REXO1: variants seen among roughly 807,000 people sequenced by gnomAD.
REXO1 encodes the protein RNA exonuclease 1 homolog.
REXO1 carries 42 observed loss-of-function variants against 102.6 expected under a neutral mutation model. The observed-to-expected ratio is 0.41, with a 90% CI of 0.32 to 0.53. The LOEUF is 0.53. REXO1 is among the 20% of genes least tolerant of loss of function. The pLI is 0.27. For missense variants in REXO1, 1,819 were observed against 1,732.5 expected, an observed-to-expected ratio of 1.05 and a Z score of -0.89; for synonymous variants, 908 against 779.1, an observed-to-expected ratio of 1.17 and a Z score of -2.76.
intron 4 of REXO1, 94 bp downstream of exon 4, chr19:1,823,478 T>C (rs924093326): frequency 2.3e-6 from 2 of 883,950 alleles, no homozygotes; most frequent in Non-Finnish European, 1.5e-6. Context: ...GCAAGCACCA[T>C]GTGGTTCAGG....
rs1420128587 is a variant in REXO1 at position 1,816,288 on chromosome 19, G to A, written c.3514C>T (p.Pro1172Ser). Residue 1172 changes from proline to serine, a missense_variant, in exon 15 of 16, where the codon CCC becomes TCC. Coordinates refer to ENST00000170168, the MANE Select transcript of REXO1 (RefSeq NM_020695.4). ...SVLFPHRLGL[P>S]YKRSLRNLMA... ...AGGTTCCGCAGGGACCGCTTGTAGG[G>A]GAGGCCCAGGCGGTGGGGGAAGAGC... is the stretch of plus-strand genomic sequence containing the variant. 1 of 1,588,686 alleles carries A rather than the reference G, an allele frequency of 6.3e-7. No individual in the cohort carries two copies. Among genetic ancestry groups the A allele is most frequent in the Non-Finnish European group, 8.6e-7 (1 of 1,168,048 alleles).
At chr19:1,847,248 G>A (rs1428462412) in intron 1 of REXO1, among the ~76,000 whole-genome samples, 1 of 152,190 alleles carries the variant, frequency 6.6e-6, no homozygotes, top group Non-Finnish European at 1.5e-5. Context: ...ACCTTTTCTG[G>A]CAAAACAGGA....
Position 1,825,844 on chromosome 19 carries a change from G to T in REXO1, c.2011C>A (p.Gln671Lys). 6.2e-7 allele frequency: 1 copy of T among 1,607,248 alleles called. No individual in the cohort carries two copies. ...RRISHLSKQG[Q>K]EVEPPRRGPA... ...CTGGCCTCTGCGGACCTTACCTCCT[G>T]GCCTTGCTTGGAAAGGTGGGAGATC... The change falls in exon 3 of 16, where the codon CAG becomes AAG. Residue 671 changes from glutamine (Q) to lysine (K), a missense_variant. By Grantham distance (53) the Gln-to-Lys change is moderately conservative. Coordinates refer to ENST00000170168, the MANE Select transcript of REXO1 (RefSeq NM_020695.4).
At chr19:1,842,752 G>A (rs536857278) in intron 1 of REXO1, among the ~76,000 whole-genome samples, 4 of 152,324 alleles carry the variant, frequency 2.6e-5, no homozygotes, top group Admixed American at 6.5e-5. Flanking sequence ...CCCGGCAAGC[G>A]GCCTGGTGCC....
intron 1 of REXO1, among the ~76,000 whole-genome samples, chr19:1,834,217 A>G (rs1367014747): frequency 6.6e-6 from 1 of 152,116 alleles, no homozygotes; most frequent in Non-Finnish European, 1.5e-5. Flanking sequence ...AGCCCTTCCC[A>G]AAGGAAGGAA....
At chr19:1,841,810 G>A (rs771278951) in intron 1 of REXO1, among the ~76,000 whole-genome samples, 5 of 152,124 alleles carry the variant, frequency 3.3e-5, no homozygotes, top group Non-Finnish European at 7.4e-5. Context: ...CAGCCCCAGC[G>A]AGCTGCTCTG....
chr19:1,828,146 G>T lies in REXO1; in HGVS notation c.643C>A (p.Pro215Thr). The T allele has an allele frequency of 6.2e-7, 1 of 1,610,616 alleles. No individual in the cohort carries two copies. The highest frequency in any genetic ancestry group is 1.1e-5 in the South Asian group (1 of 90,724). The change falls in exon 2 of 16, where the codon CCC (proline) becomes ACC (threonine). Residue 215 changes from proline to threonine, a missense_variant. Transcript: ENST00000170168. ...AVSQPRRHSR[P>T]VPSGKYVVDN... Reference sequence around the variant, plus strand: ...ACCACGTACTTGCCACTGGGAACGGGGCGGCTGTGCCGCCGGGGCTGGCTC... The same window carrying T: ...ACCACGTACTTGCCACTGGGAACGGTGCGGCTGTGCCGCCGGGGCTGGCTC...
intron 11 of REXO1, 98 bp from the exon 12 acceptor site, chr19:1,817,427 C>T: frequency 6.5e-7 from 1 of 1,538,754 alleles, no homozygotes; most frequent in Non-Finnish European, 8.7e-7. Context: ...ACCATCCTAT[C>T]CATCCATCAC....
Position 1,827,504 on chromosome 19 carries a change from G to C in REXO1, c.1285C>G (p.Arg429Gly). 1.3e-6 allele frequency: 2 copies of C among 1,581,318 alleles called. No individual in the cohort carries two copies. The highest frequency in any genetic ancestry group is 1.7e-6 in the Non-Finnish European group (2 of 1,173,264). Residue 429 changes from arginine (R) to glycine (G), a missense_variant, in exon 2 of 16, where the codon CGG becomes GGG. Physicochemically the swap from Arg to Gly is moderately radical, Grantham distance 125. Coordinates refer to ENST00000170168, the MANE Select transcript of REXO1 (RefSeq NM_020695.4). Reference sequence around the variant, plus strand: ...GGCTTCTTCTTGGTCCCTTCCGGCCGCTCTGCCTTGCGCCGGGGGCTGCTG... The same window carrying C: ...GGCTTCTTCTTGGTCCCTTCCGGCCCCTCTGCCTTGCGCCGGGGGCTGCTG... ...QASSPRRKAE[R>G]PEGTKKKPSS...
intron 1 of REXO1, among the ~76,000 whole-genome samples, chr19:1,839,058 C>G (rs897818814): frequency 2.6e-5 from 4 of 152,050 alleles, no homozygotes; most frequent in African/African-American, 7.2e-5. Context: ...GAGTTTGAGA[C>G]CAGCCTGGGC....
chr19:1,846,443 A>C (rs1415680498), intron 1 of REXO1, among the ~76,000 whole-genome samples: 2 of 152,214 alleles, frequency 1.3e-5, no homozygotes, highest in Non-Finnish European at 2.9e-5. Flanking sequence ...CACCAGCAAA[A>C]GGGAAATGCA....
intron 3 of REXO1, 161 bp from the exon 4 acceptor site, chr19:1,823,946 G>T: frequency 2.5e-6 from 1 of 397,180 alleles, no homozygotes; most frequent in Non-Finnish European, 4.4e-6. Context: ...GAAGCAGCAG[G>T]GGGCAGTGGT....
rs755690813 is a variant in REXO1, at chr19:1,820,300, G to C, written c.2490C>G (p.Leu830=). 2 of 1,613,876 alleles carry C rather than the reference G, an allele frequency of 1.2e-6. No individual in the cohort carries two copies. The highest frequency in any genetic ancestry group is 2.2e-5 in the South Asian group (2 of 91,070). ...RYLNLFIEEC[L]KFCTSNQEAI... ...CCTCCTGGTTGGAGGTACAGAACTT[G>C]AGACACTCCTCGATGAACAGGTTGA... Residue 830 remains leucine, a synonymous_variant, in exon 6 of 16, where the codon CTC becomes CTG. Coordinates refer to ENST00000170168, the MANE Select transcript of REXO1 (RefSeq NM_020695.4).
chr19:1,847,587 G>A (rs1031523271), intron 1 of REXO1, among the ~76,000 whole-genome samples: 1 of 152,206 alleles, frequency 6.6e-6, no homozygotes, highest in African/African-American at 2.4e-5. Context: ...GCTGTGAGGT[G>A]GAGTCCACCA....
intron 1 of REXO1, among the ~76,000 whole-genome samples, chr19:1,832,105 A>G (rs1308060529): frequency 1.3e-5 from 2 of 152,198 alleles, no homozygotes. Context: ...GGTCCTTTAA[A>G]GAGGGAGGCA....
At chr19:1,817,975 C>T (rs1802060909) in intron 10 of REXO1, among the ~76,000 whole-genome samples, 195 bp from the exon 11 acceptor site, 1 of 152,200 alleles carries the variant, frequency 6.6e-6, no homozygotes, top group Admixed American at 6.5e-5. Flanking sequence ...GGCCTGGATC[C>T]AGGGAGACCA....
intron 1 of REXO1, among the ~76,000 whole-genome samples, chr19:1,836,736 A>ACT (rs59269478): frequency 0.75 from 98,894 of 131,276 alleles, 37,497 homozygotes; most frequent in Middle Eastern, 0.82. Context: ...ACAGAGCAAG[A>ACT]CTGTCTCAAA....
chr19:1,835,868 G>GCCAGGGCTCAGC lies in REXO1; in HGVS notation c.158-7249_158-7238dup, dbSNP rs1312548800. Among the ~76,000 whole-genome samples the GCCAGGGCTCAGC allele has an allele frequency of 2.4e-4, 37 of 152,296 alleles. 1 individual carries two copies. The highest frequency in any genetic ancestry group is 3.4e-3 in the Middle Eastern group (1 of 294). On this transcript the variant is annotated intron_variant, in intron 1 of 15. Transcript: ENST00000170168. ...CTGGCTATCTTCCCCAGCCTCTCCA[G>GCCAGGGCTCAGC]CCAGGGCTCAGCCCAGGGCAACGCA...
In REXO1 at chr19:1,821,509, G is replaced by A; in HGVS notation, c.2394+10C>T. ...GGGGTGGTGGTCCTGGCCGAGATGG[G>A]AGGGGCTACCTGTAAGGATGGACTG... On this transcript the variant is annotated intron_variant, in intron 5 of 15. Coordinates refer to ENST00000170168, the MANE Select transcript of REXO1 (RefSeq NM_020695.4). 6.2e-7 allele frequency: 1 copy of A among 1,613,372 alleles called. No individual in the cohort carries two copies.
Sources: allele counts gnomAD v4.1 joint callset (sites outside exome capture counted in the v4.1 genomes callset), GRCh38; gene constraint gnomAD v4.1.1; transcripts MANE v1.5; gene names NCBI Gene and HGNC (gene_info 2026-07-23, HGNC 2026-07-21).